MOV10: variants seen among roughly 807,000 people sequenced by gnomAD.
MOV10 encodes RNA helicase MOV-10.
In MOV10, 39 loss-of-function variants were observed where a neutral mutation model predicts 108.4. That is an observed-to-expected ratio of 0.36 (90% CI 0.28 to 0.47). The LOEUF (loss-of-function observed/expected upper bound fraction) is 0.47. Among genes scored for constraint, MOV10 ranks in the 20% least tolerant of loss-of-function variants. MOV10 has a pLI of 1.00. For synonymous variants in MOV10, 490 were observed against 523.1 expected, an observed-to-expected ratio of 0.94 and a Z score of 0.86; for missense variants, 952 against 1,297.6, an observed-to-expected ratio of 0.73 and a Z score of 4.09.
At position 112,675,161 on chromosome 1, in the gene MOV10, G is replaced by T; in HGVS notation, c.137+112G>T. Reference sequence around the variant, plus strand: ...GGCGCAGAGGGACGCAGCTCCCCCAGCGGCTCAGGCCAGTCCCGGGGCGGC... The same window carrying T: ...GGCGCAGAGGGACGCAGCTCCCCCATCGGCTCAGGCCAGTCCCGGGGCGGC... On this transcript the variant is annotated intron_variant, in intron 2 of 20. Coordinates refer to ENST00000369645, the MANE Select transcript of MOV10 (RefSeq NM_001321324.2). The surrounding 1 kb of genome is among the most constrained non-coding windows in gnomAD (Gnocchi z 4.7). The T allele has an allele frequency of 7.6e-7, 1 of 1,320,270 alleles. No homozygotes were observed. Among genetic ancestry groups the T allele is most frequent in the Non-Finnish European group, 1.0e-6 (1 of 973,222 alleles). The allele number at this position is 1,320,270 out of a possible 1,614,324, so 81.8% of individuals were successfully genotyped here. A position where few individuals can be genotyped will look rare whatever the true frequency, so the allele number is the denominator to read the frequency against.
intron 2 of MOV10, among the ~76,000 whole-genome samples, chr1:112,684,434 A>AT (rs1171813033): frequency 2.0e-5 from 3 of 149,502 alleles, no homozygotes; most frequent in African/African-American, 7.4e-5. Flanking sequence ...TGCCCAGCTA[A>AT]TTTTTTCTAT....
chr1:112,696,042 T>TC (rs1674048357), intron 11 of MOV10, 106 bp from the exon 12 acceptor site: 2 of 795,872 alleles, frequency 2.5e-6, no homozygotes, highest in East Asian at 5.6e-5. Flanking sequence ...TCCGTCTCAA[T>TC]TAAAAAAAAT....
chr1:112,685,396 C>T (rs186939120), intron 2 of MOV10, among the ~76,000 whole-genome samples: 43 of 151,910 alleles, frequency 2.8e-4, no homozygotes, highest in Admixed American at 2.4e-3. Flanking sequence ...GTGGCTCACA[C>T]CTGTAATCCC....
chr1:112,683,400 G>T (rs1172555679), intron 2 of MOV10, among the ~76,000 whole-genome samples: 5 of 152,116 alleles, frequency 3.3e-5, no homozygotes, highest in Non-Finnish European at 7.4e-5. Context: ...TGAGAGTTTG[G>T]GTTGTTGTAT....
rs146947675 is a variant in MOV10 at position 112,692,010 on chromosome 1, A to G, written c.971+211A>G. ...GGGGACAATGAGCATTTTTGTTACA[A>G]TTTCATGGAGTGATGAGTGCTGTGA... On this transcript the variant is annotated intron_variant, in intron 6 of 20. Transcript: ENST00000369645. 2.2e-3 allele frequency among the ~76,000 whole-genome samples: 331 copies of G among 152,254 alleles called. 2 individuals are homozygous for G. The highest frequency in any genetic ancestry group is 7.0e-3 in the African/African-American group (289 of 41,550).
In MOV10 at chr1:112,680,655, C is replaced by CAAA. The variant is rs1229116415; in HGVS notation, c.137+5627_137+5629dup. On this transcript the variant is annotated intron_variant, in intron 2 of 20. Coordinates refer to ENST00000369645, the MANE Select transcript of MOV10 (RefSeq NM_001321324.2). ...TGGGCGACAGAGTGAGACTCCGTCT[C>CAAA]AAAAAAAAAAAAAAAAAAAAAAACT... Among the ~76,000 whole-genome samples the CAAA allele has an allele frequency of 6.3e-4, 23 of 36,724 alleles. 1 individual carries two copies. Among genetic ancestry groups the CAAA allele is most frequent in the East Asian group, 4.8e-3 (5 of 1,034 alleles). The allele number at this position is 36,724 out of a possible 152,430, so 24.1% of individuals were successfully genotyped here.
intron 11 of MOV10, 79 bp from the exon 12 acceptor site, chr1:112,696,069 G>A (rs368790270): frequency 3.8e-5 from 35 of 925,646 alleles, no homozygotes; most frequent in East Asian, 3.2e-4. Flanking sequence ...AATTGTTTGA[G>A]GGGGGGTACC....
intron 14 of MOV10, 108 bp from the exon 15 acceptor site, chr1:112,697,886 G>T (rs576506781): frequency 2.3e-6 from 2 of 857,908 alleles, no homozygotes; most frequent in South Asian, 2.9e-5. Context: ...CAGGGAGCCA[G>T]CGGGGTAGCA....
At chr1:112,678,700 C>A (rs1465227007) in intron 2 of MOV10, among the ~76,000 whole-genome samples, 1 of 152,004 alleles carries the variant, frequency 6.6e-6, no homozygotes, top group African/African-American at 2.4e-5. Flanking sequence ...TTGGGATGAC[C>A]TCAGAAGAAC....
intron 5 of MOV10, among the ~76,000 whole-genome samples, chr1:112,690,668 T>A (rs1317472589): frequency 1.3e-5 from 2 of 152,212 alleles, no homozygotes; most frequent in African/African-American, 4.8e-5. Flanking sequence ...CCAACATCTC[T>A]GTTTTTTTAA....
chr1:112,679,940 A>G (rs1158201207), intron 2 of MOV10, among the ~76,000 whole-genome samples: 1 of 152,152 alleles, frequency 6.6e-6, no homozygotes, highest in South Asian at 2.1e-4. Context: ...TCTTTGACCC[A>G]GGTGTTGTAC....
Position 112,693,469 on chromosome 1 carries a change from C to G in MOV10, c.1140+540C>G, listed in dbSNP as rs61558449. Among the ~76,000 whole-genome samples, 464 of 152,138 alleles carry G rather than the reference C, an allele frequency of 3.0e-3. 4 individuals carry two copies. The highest frequency in any genetic ancestry group is 0.011 in the African/African-American group (437 of 41,522). ...TTGGCTCGCTTTAATCCCCGCCGCC[C>G]GGGCTCAAGTGATCCTCCCAAGTAG... On this transcript the variant is annotated intron_variant, in intron 7 of 20. Coordinates refer to ENST00000369645, the MANE Select transcript of MOV10 (RefSeq NM_001321324.2).
Position 112,689,425 on chromosome 1 carries a change from C to A in MOV10, c.352C>A (p.Leu118Ile). 1 of 1,267,056 alleles carries A rather than the reference C, an allele frequency of 7.9e-7. No individual in the cohort carries two copies. Among genetic ancestry groups the A allele is most frequent in the Non-Finnish European group, 1.1e-6 (1 of 932,134 alleles). The allele number at this position is 1,267,056 out of a possible 1,614,324, so 78.5% of individuals were successfully genotyped here. A position where few individuals can be genotyped will look rare whatever the true frequency, so the allele number is the denominator to read the frequency against. ...AKIFYDRAEY[L>I]HGKHGVDVEV... is the part of the protein sequence containing the mutation. ...TCCCCTTCTCCCCAGGGCTGAGTAT[C>A]TTCATGGGAAACATGGTGTGGATGT... is the stretch of plus-strand genomic sequence containing the variant. Residue 118 changes from leucine (L) to isoleucine (I), a missense_variant, in exon 4 of 21, where the codon CTT becomes ATT. By Grantham distance (5) the Leu-to-Ile change is conservative. Coordinates refer to ENST00000369645, the MANE Select transcript of MOV10 (RefSeq NM_001321324.2).
At chr1:112,676,539 C>G (rs1672212324) in intron 2 of MOV10, among the ~76,000 whole-genome samples, 1 of 152,086 alleles carries the variant, frequency 6.6e-6, no homozygotes, top group Non-Finnish European at 1.5e-5. Flanking sequence ...GAGCTCAATT[C>G]CGAATACAGC....
chr1:112,700,704 G>A lies in MOV10; in HGVS notation c.*197G>A, dbSNP rs760600408. The A allele has an allele frequency of 6.6e-7, 1 of 1,520,494 alleles. No homozygotes were observed. The highest frequency in any genetic ancestry group is 8.8e-7 in the Non-Finnish European group (1 of 1,141,592). The allele number at this position is 1,520,494 out of a possible 1,614,324, so 94.2% of individuals were successfully genotyped here. ...TAACAATTGGGGGAAGGGGAAGGAA[G>A]AAAACTCTGAAAACAAAATCTTGTT... On this transcript the variant is annotated 3_prime_UTR_variant, in exon 21 of 21. Coordinates refer to ENST00000369645, the MANE Select transcript of MOV10 (RefSeq NM_001321324.2).
Position 112,674,899 on chromosome 1 carries a change from C to CAG in MOV10, c.-13_-12dup. The CAG allele has an allele frequency of 1.9e-6, 3 of 1,553,230 alleles. No homozygotes were observed. Among genetic ancestry groups the CAG allele is most frequent in the Non-Finnish European group, 8.7e-7 (1 of 1,154,502 alleles). On this transcript the variant is annotated 5_prime_UTR_variant, in exon 2 of 21. Coordinates refer to ENST00000369645, the MANE Select transcript of MOV10 (RefSeq NM_001321324.2). ...TCCACGGACCCTCCTGCCTGGGCCGCAGCCGCCGCCGCGATGCCCAGTAAG... is the reference window on the plus strand; with the variant it reads ...TCCACGGACCCTCCTGCCTGGGCCGCAGAGCCGCCGCCGCGATGCCCAGTAAG...
intron 1 of MOV10, 36 bp from the exon 2 acceptor site, chr1:112,674,812 C>A: frequency 8.0e-7 from 1 of 1,254,560 alleles, no homozygotes. Flanking sequence ...GGCTTCCCTC[C>A]TGCTGCACCC....
chr1:112,694,562 C>T lies in MOV10; in HGVS notation c.1405C>T (p.Leu469=), dbSNP rs779366937. 1.2e-6 allele frequency: 2 copies of T among 1,613,958 alleles called. No individual in the cohort carries two copies. Among genetic ancestry groups the T allele is most frequent in the Non-Finnish European group, 1.7e-6 (2 of 1,179,922 alleles). ...RALELTGRWL[L]WPMLFPVAPR... ...CCTGGAGCTGACAGGGCGCTGGCTGCTGTGGCCCATGCTCTTTCCTGTGGC... is the reference window on the plus strand; with the variant it reads ...CCTGGAGCTGACAGGGCGCTGGCTGTTGTGGCCCATGCTCTTTCCTGTGGC... Residue 469 remains leucine (L), a synonymous_variant, in exon 9 of 21, where the codon CTG becomes TTG. Transcript: ENST00000369645. This position sits in a 1 kb window ranked among gnomAD's most constrained non-coding sequence, Gnocchi z 4.1.
rs1438807058 is a variant in MOV10 at position 112,699,745 on chromosome 1, C to G, written c.2644C>G (p.Arg882Gly). ...ERSVILISTV[R>G]SSQSFVQLDL... The stretch of plus-strand genomic sequence containing the variant: ...AAGCGTCATCCTCATCTCCACCGTG[C>G]GAAGCAGCCAGAGCTTTGTGCAGCT... Residue 882 changes from arginine (R) to glycine (G), a missense_variant, in exon 18 of 21, where the codon CGA becomes GGA. Physicochemically the swap from Arg to Gly is moderately radical, Grantham distance 125. Coordinates refer to ENST00000369645, the MANE Select transcript of MOV10 (RefSeq NM_001321324.2). 6.2e-7 allele frequency: 1 copy of G among 1,614,226 alleles called. No individual in the cohort carries two copies. The highest frequency in any genetic ancestry group is 1.1e-5 in the South Asian group (1 of 91,082).
Sources: gnomAD v4.1 joint callset for allele counts (sites outside exome capture counted in the v4.1 genomes callset) on GRCh38, gnomAD v4.1.1 for gene constraint, Gnocchi (gnomAD v3.1) non-coding constraint, MANE v1.5 for transcripts, NCBI Gene and HGNC (gene_info 2026-07-23, HGNC 2026-07-21) for gene names.